Variants in RASGRP3 observed in about 807,000 individuals in gnomAD.
RASGRP3 encodes ras guanyl-releasing protein 3.
RASGRP3 carries 54 observed loss-of-function variants against 82.7 expected under a neutral mutation model. The ratio of observed to expected loss-of-function variants is 0.65; its 90% CI spans 0.52 to 0.82. The LOEUF is 0.82. Among genes scored for constraint, RASGRP3 ranks in the 40% least tolerant of loss-of-function variants. RASGRP3 has a pLI of 0.00. For synonymous variants in RASGRP3, 309 were observed against 300.5 expected, an observed-to-expected ratio of 1.03 and a Z score of -0.29; for missense variants, 861 against 828.9, an observed-to-expected ratio of 1.04 and a Z score of -0.48.
intron 1 of RASGRP3, among the ~76,000 whole-genome samples, chr2:33,496,362 G>C (rs971840721): frequency 6.6e-6 from 1 of 152,172 alleles, no homozygotes; most frequent in East Asian, 1.9e-4. Flanking sequence ...TACAGAATGC[G>C]TGATTTTATT....
rs1305296940 is a variant in RASGRP3, at chr2:33,450,819, TTTC to T, written c.-261+2879_-261+2881del. On this transcript the variant is annotated intron_variant, in intron 2 of 18. Coordinates refer to the RASGRP3 transcript ENST00000402538. ...TTTTCTTTCTTTTTCTCTTTCTTTC[TTTC>T]TTTTTTTTTTTTTTTTTTTTTTTTT... Among the ~76,000 whole-genome samples, 18 of 76,802 alleles carry T rather than the reference TTTC, an allele frequency of 2.3e-4. 1 individual carries two copies. The highest frequency in any genetic ancestry group is 4.5e-4 in the Non-Finnish European group (16 of 35,954). The allele number at this position is 76,802 out of a possible 152,430, so 50.4% of individuals were successfully genotyped here.
intron 13 of RASGRP3, 27 bp from the exon 14 acceptor site, chr2:33,549,577 C>G: frequency 6.3e-7 from 1 of 1,596,258 alleles, no homozygotes; most frequent in Non-Finnish European, 8.5e-7. Context: ...TTTAAAGATT[C>G]CCTCCCTTCT....
At chr2:33,454,991 A>G (rs528724520) in intron 2 of RASGRP3, among the ~76,000 whole-genome samples, 1 of 152,290 alleles carries the variant, frequency 6.6e-6, no homozygotes, top group Non-Finnish European at 1.5e-5. Context: ...GCTCAGTTTG[A>G]GTTACATGCT....
chr2:33,488,302 A>G (rs1429464022), intron 1 of RASGRP3, among the ~76,000 whole-genome samples: 1 of 152,252 alleles, frequency 6.6e-6, no homozygotes, highest in African/African-American at 2.4e-5. Context: ...GCTTTTTGCC[A>G]GTAACTGACA....
In RASGRP3 at chr2:33,562,883, T is replaced by G. The variant is rs867772881; in HGVS notation, c.*146T>G. ...CTTGGGACACTGTGGGATCTCCATG[T>G]TTGGACTATGGGACAGAGAATTGAC... On this transcript the variant is annotated 3_prime_UTR_variant, in exon 18 of 18. Transcript: ENST00000403687. The G allele has an allele frequency of 1.2e-5, 13 of 1,071,572 alleles. No homozygotes were observed. The African/African-American group carries it at 1.4e-4, about 12-fold the overall frequency. 66.4% of individuals were successfully genotyped at this position (1,071,572 alleles called of 1,614,324 possible).
intron 1 of RASGRP3, among the ~76,000 whole-genome samples, chr2:33,502,995 C>G (rs1670018897): frequency 6.6e-6 from 1 of 152,176 alleles, no homozygotes; most frequent in African/African-American, 2.4e-5. Context: ...GTCTATCAAC[C>G]TCTAAAATTC....
chr2:33,507,422 G>A (rs1206769101), intron 1 of RASGRP3, among the ~76,000 whole-genome samples: 3 of 152,130 alleles, frequency 2.0e-5, no homozygotes, highest in East Asian at 1.9e-4. Context: ...GTGAGTGGTG[G>A]GGCAGAGATG....
chr2:33,475,571 G>A (rs945806447), upstream of RASGRP3, among the ~76,000 whole-genome samples: 5 of 152,300 alleles, frequency 3.3e-5, no homozygotes, highest in African/African-American at 1.2e-4. Flanking sequence ...CTGCCTCTAT[G>A]TCATATCTCT....
At chr2:33,449,530 G>C (rs561396455) in intron 2 of RASGRP3, among the ~76,000 whole-genome samples, 5 of 152,268 alleles carry the variant, frequency 3.3e-5, no homozygotes, top group South Asian at 2.1e-4. Flanking sequence ...GGGAGGCCGA[G>C]GGGGGCAGAC....
intron 1 of RASGRP3, among the ~76,000 whole-genome samples, chr2:33,508,834 A>G (rs533384599): frequency 2.0e-5 from 3 of 152,222 alleles, no homozygotes; most frequent in South Asian, 4.2e-4. Flanking sequence ...TTTTTGGGCT[A>G]TTGTATCATC....
chr2:33,445,828 C>T (rs1436093420), intron 1 of RASGRP3, among the ~76,000 whole-genome samples: 1 of 152,056 alleles, frequency 6.6e-6, no homozygotes, highest in African/African-American at 2.4e-5. Flanking sequence ...GCAACAAACA[C>T]TAGTAAAGAA....
rs201790444 is a variant in RASGRP3 at position 33,560,993 on chromosome 2, AT to A, written c.2065-1732del. ...GTATCTGGGTTTTTAAAAAAATTTA[AT>A]TTTGTTTCCTGGAAATTGAACTTTT... On this transcript the variant is annotated intron_variant, in intron 17 of 17. Transcript: ENST00000403687. Among the ~76,000 whole-genome samples the A allele has an allele frequency of 5.2e-3, 794 of 152,172 alleles. 5 individuals carry two copies. Among genetic ancestry groups the A allele is most frequent in the African/African-American group, 0.018 (759 of 41,530 alleles).
At chr2:33,560,208 T>C (rs1676493544) in intron 17 of RASGRP3, among the ~76,000 whole-genome samples, 1 of 152,176 alleles carries the variant, frequency 6.6e-6, no homozygotes, top group Admixed American at 6.5e-5. Flanking sequence ...AAAGAAATCC[T>C]ACACCCACGA....
Position 33,520,592 on chromosome 2 carries a change from T to A in RASGRP3, c.276T>A (p.Asp92Glu). ...ILKFPAEFNLDLGLIRMTEEF... is the reference protein window; with the variant it reads ...ILKFPAEFNLELGLIRMTEEF... ...AGTTTCCTGCAGAGTTTAATTTGGA[T>A]CTTGGTTTGATTCGTATGACTGAGG... Residue 92 changes from aspartate (D) to glutamate (E), a missense_variant, in exon 6 of 18, where the codon GAT becomes GAA. Asp to Glu is a conservative substitution (Grantham distance 45). Transcript: ENST00000403687. 2 of 1,614,034 alleles carry A rather than the reference T, an allele frequency of 1.2e-6. No homozygotes were observed. The highest frequency in any genetic ancestry group is 1.7e-6 in the Non-Finnish European group (2 of 1,179,884).
intron 1 of RASGRP3, among the ~76,000 whole-genome samples, chr2:33,441,009 C>T (rs529806666): frequency 9.2e-5 from 14 of 152,072 alleles, no homozygotes; most frequent in Admixed American, 1.3e-4. Flanking sequence ...CCTTGTGCCT[C>T]GGCCTCCCAA....
At chr2:33,484,496 C>T (rs190488764) in intron 1 of RASGRP3, among the ~76,000 whole-genome samples, 4 of 152,058 alleles carry the variant, frequency 2.6e-5, no homozygotes, top group African/African-American at 7.2e-5. Flanking sequence ...GAATGCTTGC[C>T]GTTCAAAATC....
chr2:33,447,335 A>T (rs1288175500), intron 1 of RASGRP3, among the ~76,000 whole-genome samples: 1 of 152,090 alleles, frequency 6.6e-6, no homozygotes, highest in Non-Finnish European at 1.5e-5. Flanking sequence ...TCTGCTGGGA[A>T]CTAGGGCTGT....
At chr2:33,493,750 A>C (rs1293393608) in intron 1 of RASGRP3, among the ~76,000 whole-genome samples, 1 of 151,510 alleles carries the variant, frequency 6.6e-6, no homozygotes, top group East Asian at 1.9e-4. Context: ...CAAGTTCCTG[A>C]ATGAATAAAA....
In RASGRP3 at chr2:33,503,804, T is replaced by C. The variant is rs1237669710; in HGVS notation, c.-260-7906T>C. On this transcript the variant is annotated intron_variant, in intron 1 of 17. Coordinates refer to ENST00000403687, the MANE Select transcript of RASGRP3 (RefSeq NM_001139488.2). ...TTAGAAAAGAGAAATTCATATTACA[T>C]CTTCAGTATCTATATATACAAAGTT... 3.3e-5 allele frequency among the ~76,000 whole-genome samples: 5 copies of C among 152,304 alleles called. No individual in the cohort carries two copies. In the East Asian group the frequency reaches 7.7e-4, roughly 23 times the overall value.
Sources: gnomAD v4.1 joint callset for allele counts (sites outside exome capture counted in the v4.1 genomes callset) on GRCh38, gnomAD v4.1.1 for gene constraint, MANE v1.5 for transcripts, NCBI Gene and HGNC (gene_info 2026-07-23, HGNC 2026-07-21) for gene names.